HIVEP2: variants seen among roughly 807,000 people sequenced by gnomAD.
The protein encoded by HIVEP2 is transcription factor HIVEP2.
A neutral mutation model predicts 180.7 loss-of-function variants in HIVEP2; 14 were observed. The ratio of observed to expected loss-of-function variants is 0.08; its 90% CI spans 0.05 to 0.12. The LOEUF (loss-of-function observed/expected upper bound fraction) is 0.12, where lower values mean the gene tolerates loss of function less well. Among genes scored for constraint, HIVEP2 ranks in the 10% least tolerant of loss-of-function variants. HIVEP2 has a pLI of 1.00. For synonymous variants in HIVEP2, 1,184 were observed against 1,136.4 expected (o/e 1.04, Z -0.84); for missense variants, 2,579 against 3,008.5 (o/e 0.86, Z 3.34).
intron 2 of HIVEP2, among the ~76,000 whole-genome samples, chr6:142,827,833 A>G (rs916622254): frequency 1.3e-5 from 2 of 152,228 alleles, no homozygotes; most frequent in Non-Finnish European, 2.9e-5. Context: ...TTCTCAAATG[A>G]CACCTCTAAG....
At chr6:142,817,989 G>A (rs1776888496) in intron 2 of HIVEP2, among the ~76,000 whole-genome samples, 2 of 149,156 alleles carry the variant, frequency 1.3e-5, no homozygotes, top group Admixed American at 1.3e-4. Flanking sequence ...CTGGTCAACA[G>A]AGTGAGACTC....
chr6:142,827,411 C>T (rs1774937805), intron 2 of HIVEP2, among the ~76,000 whole-genome samples: 2 of 152,252 alleles, frequency 1.3e-5, no homozygotes, highest in Non-Finnish European at 2.9e-5. Flanking sequence ...CCCTGTGTTT[C>T]CTCAGGCTGG....
rs191956681 is a variant in HIVEP2, at chr6:142,941,275, G to A, written c.-641+3824C>T. 6.8e-4 allele frequency among the ~76,000 whole-genome samples: 104 copies of A among 152,266 alleles called. No homozygotes were observed. The East Asian group carries it at 0.014, about 21-fold the overall frequency. On this transcript the variant is annotated intron_variant, in intron 1 of 9. Coordinates refer to ENST00000367603, the MANE Select transcript of HIVEP2 (RefSeq NM_006734.4). ...CCTGTGTTATCCTCTTTCCCACGAC[G>A]ATTTTGGAGTTGTGACACAATAATA...
intron 1 of HIVEP2, among the ~76,000 whole-genome samples, chr6:142,847,281 C>G (rs1048450572): frequency 6.6e-6 from 1 of 152,146 alleles, no homozygotes; most frequent in African/African-American, 2.4e-5. Flanking sequence ...TCCAAATCAT[C>G]GTTCTGGCTC....
chr6:142,914,676 C>CT (rs2128431738), intron 1 of HIVEP2, among the ~76,000 whole-genome samples: 2 of 152,300 alleles, frequency 1.3e-5, no homozygotes, highest in East Asian at 3.9e-4. Flanking sequence ...TAATTGTTAA[C>CT]TAAATCAATT....
chr6:142,895,931 T>C (rs1776977588), intron 1 of HIVEP2, among the ~76,000 whole-genome samples: 1 of 152,180 alleles, frequency 6.6e-6, no homozygotes, highest in South Asian at 2.1e-4. Flanking sequence ...CAATTAACCT[T>C]CATTATTAAA....
intron 1 of HIVEP2, among the ~76,000 whole-genome samples, chr6:142,860,583 G>A (rs1005783711): frequency 2.6e-4 from 39 of 152,164 alleles, no homozygotes; most frequent in African/African-American, 9.2e-4. Context: ...GGGGTGATGG[G>A]AGACAGTGAC....
chr6:142,871,447 T>G (rs563824859), intron 1 of HIVEP2, among the ~76,000 whole-genome samples: 42 of 152,236 alleles, frequency 2.8e-4, no homozygotes, highest in African/African-American at 9.9e-4. Flanking sequence ...AGAACACATA[T>G]CTTGTGATTC....
rs9403422 is a variant in HIVEP2 at position 142,922,019 on chromosome 6, C to T, written c.-641+23080G>A. 8.4e-3 allele frequency among the ~76,000 whole-genome samples: 1,283 copies of T among 152,268 alleles called. 80 individuals carry two copies. In the East Asian group the frequency reaches 0.17, roughly 20 times the overall value. ...CTTTGGGGAAACTCAACTTCGTTGG[C>T]GTCTAAGACGTGACCCTTTCTTCAT... is the stretch of plus-strand genomic sequence containing the variant. On this transcript the variant is annotated intron_variant, in intron 1 of 9. Coordinates refer to ENST00000367603, the MANE Select transcript of HIVEP2 (RefSeq NM_006734.4).
At position 142,768,410 on chromosome 6, in the gene HIVEP2, G is replaced by T. The variant is rs755752204; in HGVS notation, c.5314C>A (p.Pro1772Thr). The T allele has an allele frequency of 1.2e-6, 2 of 1,611,058 alleles. No homozygotes were observed. The highest frequency in any genetic ancestry group is 2.2e-5 in the South Asian group (2 of 90,650). The change falls in exon 6 of 10, where the codon CCA becomes ACA. Residue 1772 changes from proline (P) to threonine (T), a missense_variant. Physicochemically the swap from Pro to Thr is conservative, Grantham distance 38. Coordinates refer to ENST00000367603, the MANE Select transcript of HIVEP2 (RefSeq NM_006734.4). ...DKDIGSKQTE[P>T]IRIKIFEGGY... ...CCTTCAAATATTTTAATTCGGATTG[G>T]CTCAGTTTGTTTGGATCCAATATCT... is the stretch of plus-strand genomic sequence containing the variant.
In HIVEP2 at chr6:142,774,836, T is replaced by A. The variant is rs1407665043; in HGVS notation, c.-98A>T. On this transcript the variant is annotated 5_prime_UTR_variant, in exon 5 of 10. It removes an upstream start codon present in the reference 5' UTR. Transcript: ENST00000367603. This position sits in a 1 kb window ranked among gnomAD's most constrained non-coding sequence, Gnocchi z 5.1. ...GCTTCTTAAAGCTTGGTTGCTTCCA[T>A]GTTCCAGGGTGTCTGCAAACTTGCT... is the stretch of plus-strand genomic sequence containing the variant. The A allele has an allele frequency of 4.6e-6, 7 of 1,520,788 alleles. 1 individual carries two copies. The highest frequency in any genetic ancestry group is 6.1e-6 in the Non-Finnish European group (7 of 1,140,334). 94.2% of individuals were successfully genotyped at this position (1,520,788 alleles called of 1,614,324 possible).
rs376420561 is a variant in HIVEP2, at chr6:142,753,789, T to C, written c.6659A>G (p.Gln2220Arg). 6.2e-7 allele frequency: 1 copy of C among 1,614,152 alleles called. No homozygotes were observed. The highest frequency in any genetic ancestry group is 1.1e-5 in the South Asian group (1 of 91,074). The change falls in exon 10 of 10, where the codon CAA becomes CGA. Residue 2220 changes from glutamine (Q) to arginine (R), a missense_variant. Transcript: ENST00000367603. ...CATGGGGATAGGGGCTCGCACTTGT[T>C]GCTGAGAGTGGAGTGGAAGATGACT... ...VFSHLPLHSQ[Q>R]QVRAPIPMVP...
In HIVEP2 at chr6:142,761,523, T is replaced by C. The variant is rs1338050215; in HGVS notation, c.5561A>G (p.Lys1854Arg). ...KHMKSKAHMK[K>R]CLELGVSMTS... ...CATTGAGACTCCCAATTCCAGGCAT[T>C]TTTTCATGTGTGCTTTAGATTTCAT... The change falls in exon 8 of 10, where the codon AAA becomes AGA. Residue 1854 changes from lysine (K) to arginine (R), a missense_variant. Transcript: ENST00000367603. 2.5e-6 allele frequency: 4 copies of C among 1,610,042 alleles called. No individual in the cohort carries two copies. In the African/African-American group the frequency reaches 4.0e-5, roughly 16 times the overall value.
intron 1 of HIVEP2, among the ~76,000 whole-genome samples, chr6:142,853,346 G>A (rs1220455938): frequency 5.9e-5 from 9 of 152,240 alleles, no homozygotes; most frequent in South Asian, 2.1e-4. Context: ...CTGTGGTTTC[G>A]ATAAGAATTC....
At chr6:142,778,219 G>C (rs1254677084) in intron 3 of HIVEP2, among the ~76,000 whole-genome samples, 1 of 152,190 alleles carries the variant, frequency 6.6e-6, no homozygotes, top group Non-Finnish European at 1.5e-5. Context: ...TGCAGGAAAT[G>C]AGGCAAAAAC....
chr6:142,817,405 C>T (rs986093379), intron 2 of HIVEP2, among the ~76,000 whole-genome samples: 6 of 152,284 alleles, frequency 3.9e-5, no homozygotes, highest in African/African-American at 1.4e-4. Context: ...CACATATACA[C>T]CATGAAGTGA....
intron 1 of HIVEP2, among the ~76,000 whole-genome samples, chr6:142,939,881 T>C (rs1178126241): frequency 6.6e-6 from 1 of 152,006 alleles, no homozygotes; most frequent in Non-Finnish European, 1.5e-5. Context: ...ATATAAATTA[T>C]AAAACAGAAA....
chr6:142,863,652 G>A (rs1412601379), intron 1 of HIVEP2, among the ~76,000 whole-genome samples: 1 of 152,152 alleles, frequency 6.6e-6, no homozygotes, highest in East Asian at 1.9e-4. Flanking sequence ...AATAGTAAAT[G>A]TCATGCCAGG....
chr6:142,877,838 T>C (rs949935103), intron 1 of HIVEP2, among the ~76,000 whole-genome samples: 2 of 152,200 alleles, frequency 1.3e-5, no homozygotes, highest in Admixed American at 1.3e-4. Context: ...GATTATAACA[T>C]GGGCTTGTAA....
Sources: gnomAD v4.1 joint callset for allele counts (sites outside exome capture counted in the v4.1 genomes callset) on GRCh38, gnomAD v4.1.1 for gene constraint, Gnocchi (gnomAD v3.1) non-coding constraint, MANE v1.5 for transcripts, NCBI Gene and HGNC (gene_info 2026-07-23, HGNC 2026-07-21) for gene names.